Variants in NRXN1 observed in about 807,000 individuals in gnomAD.
NRXN1 encodes neurexin 1, also known as neurexin-1.
Under a neutral mutation model 150.9 loss-of-function variants are expected in NRXN1, and 39 were observed. That is an observed-to-expected ratio of 0.26 (90% CI 0.20 to 0.34). NRXN1 has a LOEUF of 0.34. Among genes scored for constraint, NRXN1 ranks in the 10% least tolerant of loss-of-function variants. The probability of loss-of-function intolerance (pLI) is 1.00; values close to 1 mark genes in which losing one functional copy is unlikely to be tolerated. For missense variants in NRXN1, 1,815 were observed against 1,949.9 expected, an observed-to-expected ratio of 0.93 and a Z score of 1.30; for synonymous variants, 924 against 757.0, an observed-to-expected ratio of 1.22 and a Z score of -3.62.
intron 21 of NRXN1, among the ~76,000 whole-genome samples, chr2:50,026,493 T>G (rs1398589497): frequency 3.3e-5 from 5 of 152,128 alleles, no homozygotes; most frequent in Non-Finnish European, 7.4e-5. Flanking sequence ...TCTGGCAATG[T>G]GAGATTTATT....
At position 50,814,381 on chromosome 2, in the gene NRXN1, C is replaced by G. The variant is rs141033035; in HGVS notation, c.832+107488G>C. On this transcript the variant is annotated intron_variant, in intron 5 of 22. Transcript: ENST00000401669. ...AAATATCTAGTCCTTCACCCCTTAC[C>G]CCTTCTCATTCCCCAAACCCTGTGA... Among the ~76,000 whole-genome samples the G allele has an allele frequency of 8.1e-4, 123 of 152,210 alleles. 1 individual carries two copies. The highest frequency in any genetic ancestry group is 1.1e-3 in the Non-Finnish European group (75 of 68,022).
intron 2 of NRXN1, among the ~76,000 whole-genome samples, chr2:51,004,035 A>ATTG: frequency 6.7e-6 from 1 of 149,890 alleles, no homozygotes; most frequent in East Asian, 2.0e-4. Flanking sequence ...GTTTTTTGTT[A>ATTG]TTGTTGTTGT....
intron 2 of NRXN1, among the ~76,000 whole-genome samples, chr2:50,992,754 T>C (rs771536254): frequency 2.0e-5 from 3 of 151,992 alleles, no homozygotes; most frequent in Non-Finnish European, 2.9e-5. Flanking sequence ...TTTTTTCACA[T>C]GGCCTGGAAA....
chr2:50,187,947 T>C (rs1355577165), intron 18 of NRXN1, among the ~76,000 whole-genome samples: 1 of 152,144 alleles, frequency 6.6e-6, no homozygotes, highest in African/African-American at 2.4e-5. Context: ...CCTGAGACTT[T>C]GCTGAAGTTG....
intron 17 of NRXN1, among the ~76,000 whole-genome samples, chr2:50,446,524 CCCTT>C (rs1251684693): frequency 9.1e-5 from 12 of 131,378 alleles, no homozygotes; most frequent in South Asian, 2.9e-4. Context: ...CTCCCTCCCT[CCCTT>C]CCTTCCTTCC....
chr2:51,001,522 C>T (rs1700077012), intron 2 of NRXN1, among the ~76,000 whole-genome samples: 1 of 151,954 alleles, frequency 6.6e-6, no homozygotes, highest in Non-Finnish European at 1.5e-5. Flanking sequence ...TGATCTCCTA[C>T]ACCAGTTTTA....
chr2:50,373,679 A>AAAGAAGGAAAGAAAGAAAGAAAG (rs1553513456), intron 17 of NRXN1, among the ~76,000 whole-genome samples: 73 of 65,510 alleles, frequency 1.1e-3, no homozygotes, highest in African/African-American at 2.1e-3. Flanking sequence ...AGAAAGAAAG[A>AAAGAAGGAAAGAAAGAAAGAAAG]AAAGAAAGAA....
At chr2:50,573,723 G>A (rs1670995277) in intron 8 of NRXN1, among the ~76,000 whole-genome samples, 1 of 148,466 alleles carries the variant, frequency 6.7e-6, no homozygotes. Context: ...TCTGCCAACA[G>A]CGGATGGAAG....
intron 5 of NRXN1, among the ~76,000 whole-genome samples, chr2:50,758,937 C>T (rs1342739943): frequency 1.3e-5 from 2 of 151,816 alleles, no homozygotes; most frequent in African/African-American, 4.8e-5. Flanking sequence ...AAGTTTTTAT[C>T]CCATAAAATG....
At chr2:50,958,183 G>A (rs373710712) in intron 2 of NRXN1, among the ~76,000 whole-genome samples, 2 of 152,124 alleles carry the variant, frequency 1.3e-5, no homozygotes, top group Non-Finnish European at 2.9e-5. Flanking sequence ...TAATCAGAAA[G>A]TGTGGTCAAG....
chr2:50,049,853 T>C (rs987235945), intron 21 of NRXN1, among the ~76,000 whole-genome samples: 4 of 152,104 alleles, frequency 2.6e-5, no homozygotes, highest in Non-Finnish European at 1.5e-5. Context: ...CTCAAAGAAC[T>C]TTATACCACC....
intron 2 of NRXN1, among the ~76,000 whole-genome samples, chr2:50,947,930 A>C (rs1423432237): frequency 6.6e-6 from 1 of 152,056 alleles, no homozygotes; most frequent in Non-Finnish European, 1.5e-5. Context: ...GGTTTCATTT[A>C]TTCAGACAGA....
At chr2:50,475,869 G>A (rs1017551884) in intron 15 of NRXN1, among the ~76,000 whole-genome samples, 3 of 97,034 alleles carry the variant, frequency 3.1e-5, no homozygotes, top group South Asian at 5.5e-4. Flanking sequence ...TTGAAGTGAC[G>A]GGTTTAAAAA....
intron 15 of NRXN1, among the ~76,000 whole-genome samples, chr2:50,495,317 T>A (rs2091505077): frequency 6.6e-6 from 1 of 151,118 alleles, no homozygotes; most frequent in Non-Finnish European, 1.5e-5. Context: ...TGTTAAGACT[T>A]TCTTAGCAGC....
At chr2:50,414,309 C>T (rs977072427) in intron 17 of NRXN1, among the ~76,000 whole-genome samples, 1 of 151,902 alleles carries the variant, frequency 6.6e-6, no homozygotes, top group African/African-American at 2.4e-5. Flanking sequence ...AATATATACA[C>T]CTGCTATGTA....
chr2:50,947,876 C>T (rs72828305), intron 2 of NRXN1, among the ~76,000 whole-genome samples: 4,375 of 151,932 alleles, frequency 0.029, 135 homozygotes, highest in Non-Finnish European at 0.037. Context: ...TTTCTCATCA[C>T]GCTGAGTATC....
chr2:49,959,195 A>T (rs1002944888), intron 21 of NRXN1, among the ~76,000 whole-genome samples: 1 of 152,194 alleles, frequency 6.6e-6, no homozygotes, highest in African/African-American at 2.4e-5. Flanking sequence ...TCCAAGATCT[A>T]TTCAAACAGA....
intron 5 of NRXN1, among the ~76,000 whole-genome samples, chr2:50,714,998 T>C (rs1169644079): frequency 6.6e-6 from 1 of 152,056 alleles, no homozygotes; most frequent in Admixed American, 6.6e-5. Flanking sequence ...ACCCATAACA[T>C]CCCCAAAGAA....
At chr2:50,728,048 A>G (rs1697613722) in intron 5 of NRXN1, among the ~76,000 whole-genome samples, 1 of 152,160 alleles carries the variant, frequency 6.6e-6, no homozygotes, top group African/African-American at 2.4e-5. Flanking sequence ...TAACTCCCTT[A>G]AACTTAATAA....
Sources: gnomAD v4.1 joint callset for allele counts (sites outside exome capture counted in the v4.1 genomes callset) on GRCh38, gnomAD v4.1.1 for gene constraint, MANE v1.5 for transcripts, NCBI Gene and HGNC (gene_info 2026-07-23, HGNC 2026-07-21) for gene names.